TMEM272: variants seen among roughly 807,000 people sequenced by gnomAD.
TMEM272 encodes the protein long intergenic non-protein coding RNA 282.
In TMEM272, 8 loss-of-function variants were observed where a neutral mutation model predicts 3.7. That is an observed-to-expected ratio of 2.17 (90% CI 1.27 to 3.91). The LOEUF (loss-of-function observed/expected upper bound fraction) is 3.91. Among genes scored for constraint, TMEM272 ranks in the 30% most tolerant of loss-of-function variants. TMEM272 has a pLI of 0.00. For synonymous variants in TMEM272, 63 were observed against 39.8 expected (o/e 1.58, Z -2.20); for missense variants, 166 against 91.5 (o/e 1.81, Z -3.32).
the TMEM272 span, among the ~76,000 whole-genome samples, chr13:51,856,676 G>T: frequency 6.6e-6 from 1 of 152,136 alleles, no homozygotes; most frequent in Admixed American, 6.6e-5. Flanking sequence ...TCCCAAGCAT[G>T]AAAATACAAA....
At chr13:51,887,215 T>A in the TMEM272 span, among the ~76,000 whole-genome samples, 1 of 152,200 alleles carries the variant, frequency 6.6e-6, no homozygotes, top group Non-Finnish European at 1.5e-5. Context: ...ATAGTTGTCA[T>A]TTGAATGCCT....
the TMEM272 span, among the ~76,000 whole-genome samples, chr13:51,888,723 G>A: frequency 8.0e-6 from 1 of 125,320 alleles, no homozygotes; most frequent in African/African-American, 3.1e-5. Flanking sequence ...TCAGCTCACT[G>A]CAACCTCTGC....
the TMEM272 span, chr13:51,908,732 T>C: frequency 3.5e-5 from 51 of 1,467,134 alleles, no homozygotes; most frequent in Non-Finnish European, 4.8e-5. Context: ...GTCCAGAGCG[T>C]CTAGCAGAAT....
chr13:51,893,998 C>T, the TMEM272 span, among the ~76,000 whole-genome samples: 2 of 152,150 alleles, frequency 1.3e-5, no homozygotes, highest in South Asian at 2.1e-4. Context: ...TCACACAGGA[C>T]GGAGCCTGGA....
At chr13:51,850,796 A>G in the TMEM272 span, among the ~76,000 whole-genome samples, 1 of 152,192 alleles carries the variant, frequency 6.6e-6, no homozygotes, top group African/African-American at 2.4e-5. Flanking sequence ...TTTGAATCCT[A>G]ACATTATTAA....
the TMEM272 span, among the ~76,000 whole-genome samples, chr13:51,859,383 A>G: frequency 1.3e-5 from 2 of 152,012 alleles, no homozygotes; most frequent in Non-Finnish European, 2.9e-5. Flanking sequence ...AGAAGGCCAT[A>G]ATCTCTCACC....
the TMEM272 span, chr13:51,933,417 G>A: frequency 1.3e-5 from 2 of 152,156 alleles, no homozygotes; most frequent in Non-Finnish European, 2.9e-5. Context: ...GCAAGTAATG[G>A]ACAATGAAAA....
the TMEM272 span, among the ~76,000 whole-genome samples, chr13:51,914,126 G>A: frequency 6.6e-6 from 1 of 152,230 alleles, no homozygotes; most frequent in Non-Finnish European, 1.5e-5. Flanking sequence ...AAAGGAAGCT[G>A]AGAGTACATG....
chr13:51,933,301 G>A, the TMEM272 span: 1 of 152,204 alleles, frequency 6.6e-6, no homozygotes, highest in Non-Finnish European at 1.5e-5. Context: ...TCAGCCTCTT[G>A]GAGCCTGTTT....
At chr13:51,844,028 A>C (rs1385957501) in intron 1 of TMEM272, among the ~76,000 whole-genome samples, 1 of 152,154 alleles carries the variant, frequency 6.6e-6, no homozygotes, top group Non-Finnish European at 1.5e-5. Flanking sequence ...GATACTGAAA[A>C]ACATCCTCCA....
the TMEM272 span, chr13:51,866,069 G>A: frequency 6.3e-7 from 1 of 1,577,316 alleles, no homozygotes; most frequent in African/African-American, 1.4e-5. Flanking sequence ...CTTCTCCCGA[G>A]GCAGGGCGTA....
chr13:51,904,497 T>G, the TMEM272 span, among the ~76,000 whole-genome samples: 1 of 152,104 alleles, frequency 6.6e-6, no homozygotes, highest in Non-Finnish European at 1.5e-5. Context: ...ATAGTAGTAA[T>G]GAATAATTTT....
the TMEM272 span, chr13:51,908,575 C>CT: frequency 6.6e-7 from 1 of 1,512,262 alleles, no homozygotes; most frequent in Non-Finnish European, 9.2e-7. Context: ...GGGCCACTCA[C>CT]TTCATTTCCA....
At chr13:51,833,586 C>T (rs779572787) in intron 2 of TMEM272, among the ~76,000 whole-genome samples, 24 of 151,870 alleles carry the variant, frequency 1.6e-4, no homozygotes, top group Non-Finnish European at 2.9e-4. Context: ...GCTCGGGTGA[C>T]AAGAATGGTG....
chr13:51,879,466 G>A, the TMEM272 span, among the ~76,000 whole-genome samples: 146,515 of 152,258 alleles, frequency 0.96, 70,511 homozygotes, highest in East Asian at 1. Context: ...ATCAAACTCA[G>A]GGCTGAGAAC....
the TMEM272 span, among the ~76,000 whole-genome samples, chr13:51,869,950 T>C: frequency 6.6e-6 from 1 of 152,186 alleles, no homozygotes; most frequent in East Asian, 1.9e-4. Context: ...GAGGTAGAAG[T>C]AGAGGGGACG....
the TMEM272 span, among the ~76,000 whole-genome samples, chr13:51,881,671 TG>T: frequency 6.6e-6 from 1 of 151,912 alleles, no homozygotes; most frequent in Non-Finnish European, 1.5e-5. Flanking sequence ...CCCTCATGAA[TG>T]GAATTAGTGC....
intron 4 of TMEM272, among the ~76,000 whole-genome samples, chr13:51,817,382 A>T (rs1434281988): frequency 6.6e-6 from 1 of 152,176 alleles, no homozygotes; most frequent in Non-Finnish European, 1.5e-5. Context: ...TAGATGTGTG[A>T]GTTGGTTTGG....
intron 4 of TMEM272, among the ~76,000 whole-genome samples, chr13:51,820,979 G>A (rs550126751): frequency 5.9e-5 from 9 of 152,316 alleles, no homozygotes; most frequent in Non-Finnish European, 8.8e-5. Context: ...CAAATCAGAC[G>A]TCTCCCACGA....
Sources: gnomAD v4.1 joint callset for allele counts (sites outside exome capture counted in the v4.1 genomes callset) on GRCh38, gnomAD v4.1.1 for gene constraint, MANE v1.5 for transcripts, NCBI Gene and HGNC (gene_info 2026-07-23, HGNC 2026-07-21) for gene names.